The following GNAQ variants were observed in gnomAD, a reference collection of about 807,000 sequenced individuals.
The protein encoded by GNAQ is G protein subunit alpha q.
GNAQ carries 8 observed loss-of-function variants against 43.9 expected under a neutral mutation model. The observed-to-expected ratio is 0.18, with a 90% CI of 0.11 to 0.33. GNAQ has a LOEUF of 0.33. Ranked by LOEUF, GNAQ falls within the 10% of genes least tolerant of loss-of-function variation. GNAQ has a pLI of 1.00. For synonymous variants in GNAQ, 155 were observed against 170.7 expected (o/e 0.91, Z 0.71); for missense variants, 158 against 450.8 (o/e 0.35, Z 5.88).
chr9:77,936,650 T>A (rs1192396078), intron 1 of GNAQ, among the ~76,000 whole-genome samples: 1 of 152,140 alleles, frequency 6.6e-6, no homozygotes, highest in East Asian at 1.9e-4. Context: ...AAATATTGAA[T>A]CACTAGGCAT....
Position 77,800,622 on chromosome 9 carries a change from T to G in GNAQ, c.477-2974A>C, listed in dbSNP as rs569676457. On this transcript the variant is annotated intron_variant, in intron 3 of 6. Transcript: ENST00000286548. The stretch of plus-strand genomic sequence containing the variant: ...ATACACCTAATGCTAGATGACGAGT[T>G]AGTGGGTGCAGCGCACCAGCATGGC... Among the ~76,000 whole-genome samples the G allele has an allele frequency of 1.7e-3, 254 of 152,256 alleles. 1 individual carries two copies. The highest frequency in any genetic ancestry group is 0.012 in the East Asian group (60 of 5,176).
chr9:77,931,825 T>G (rs1009959796), intron 1 of GNAQ, among the ~76,000 whole-genome samples: 2 of 151,984 alleles, frequency 1.3e-5, no homozygotes, highest in Non-Finnish European at 2.9e-5. Context: ...CTGCTCTGAG[T>G]TTTCAATTAG....
intron 5 of GNAQ, among the ~76,000 whole-genome samples, chr9:77,742,018 T>C (rs1160293474): frequency 6.6e-6 from 1 of 152,230 alleles, no homozygotes; most frequent in Non-Finnish European, 1.5e-5. Context: ...CAGTGATTTA[T>C]TTTGTCCATG....
intron 2 of GNAQ, among the ~76,000 whole-genome samples, chr9:77,825,454 T>C (rs1381176496): frequency 6.6e-6 from 1 of 152,156 alleles, no homozygotes; most frequent in Non-Finnish European, 1.5e-5. Context: ...ATAGCATGAC[T>C]AGCTGATTCA....
chr9:77,991,817 T>C (rs1823511663), intron 1 of GNAQ, among the ~76,000 whole-genome samples: 1 of 152,208 alleles, frequency 6.6e-6, no homozygotes, highest in African/African-American at 2.4e-5. Context: ...GAACATATGA[T>C]ATTTAGTTTT....
At chr9:77,761,226 A>G (rs1234211035) in intron 5 of GNAQ, among the ~76,000 whole-genome samples, 2 of 134,708 alleles carry the variant, frequency 1.5e-5, no homozygotes, top group Admixed American at 7.2e-5. Context: ...CCTACTGGGA[A>G]GTGAGGAGCC....
intron 2 of GNAQ, among the ~76,000 whole-genome samples, chr9:77,859,631 TAAG>T (rs1374259747): frequency 6.6e-6 from 1 of 152,188 alleles, no homozygotes; most frequent in Non-Finnish European, 1.5e-5. Flanking sequence ...CCCGGAGTTG[TAAG>T]AAGATCTGAA....
At chr9:77,880,392 A>G (rs928245816) in intron 2 of GNAQ, among the ~76,000 whole-genome samples, 6 of 152,068 alleles carry the variant, frequency 3.9e-5, no homozygotes, top group Non-Finnish European at 8.8e-5. Flanking sequence ...TCTTTTTTAG[A>G]AACAGAGTCT....
intron 1 of GNAQ, among the ~76,000 whole-genome samples, chr9:77,939,361 C>CA (rs1564157770): frequency 6.6e-6 from 1 of 152,146 alleles, no homozygotes; most frequent in Non-Finnish European, 1.5e-5. Context: ...TCTGATCCTG[C>CA]AGCATGAAGA....
chr9:77,916,616 C>T (rs906204274), intron 2 of GNAQ, among the ~76,000 whole-genome samples: 3 of 152,168 alleles, frequency 2.0e-5, no homozygotes, highest in Non-Finnish European at 2.9e-5. Flanking sequence ...AATACATCCT[C>T]TCATAACCCC....
intron 2 of GNAQ, among the ~76,000 whole-genome samples, chr9:77,844,806 G>A (rs912866710): frequency 1.3e-5 from 2 of 151,962 alleles, no homozygotes. Flanking sequence ...CCGAGTAGCT[G>A]GGATTACAGG....
At chr9:78,001,230 T>A (rs1823640088) in intron 1 of GNAQ, among the ~76,000 whole-genome samples, 1 of 152,024 alleles carries the variant, frequency 6.6e-6, no homozygotes, top group Non-Finnish European at 1.5e-5. Context: ...AAACCCCATC[T>A]CTACTAAAAA....
At chr9:77,860,461 G>C (rs1217703666) in intron 2 of GNAQ, among the ~76,000 whole-genome samples, 1 of 152,220 alleles carries the variant, frequency 6.6e-6, no homozygotes, top group Admixed American at 6.5e-5. Flanking sequence ...CAGAGATTGA[G>C]TAGGTGAGGC....
chr9:77,836,449 C>T (rs532192948), intron 2 of GNAQ, among the ~76,000 whole-genome samples: 5 of 152,250 alleles, frequency 3.3e-5, no homozygotes, highest in Non-Finnish European at 5.9e-5. Flanking sequence ...TAATCTTATT[C>T]GGTTTGAAAT....
intron 1 of GNAQ, among the ~76,000 whole-genome samples, chr9:78,005,664 C>G (rs760193634): frequency 6.6e-6 from 1 of 152,184 alleles, no homozygotes; most frequent in Non-Finnish European, 1.5e-5. Flanking sequence ...ATCCTCCCAA[C>G]AAACTTGGTG....
chr9:77,764,741 C>T (rs1826107875), intron 5 of GNAQ, among the ~76,000 whole-genome samples: 1 of 152,072 alleles, frequency 6.6e-6, no homozygotes, highest in Non-Finnish European at 1.5e-5. Context: ...AGGTGTGAGC[C>T]ACCGCGCCCA....
At chr9:77,872,232 C>G (rs1375003889) in intron 2 of GNAQ, among the ~76,000 whole-genome samples, 1 of 152,192 alleles carries the variant, frequency 6.6e-6, no homozygotes, top group Non-Finnish European at 1.5e-5. Context: ...GGTTGTAAAG[C>G]AGAACTTAAA....
intron 1 of GNAQ, among the ~76,000 whole-genome samples, chr9:77,986,082 T>A (rs1823432173): frequency 6.6e-6 from 1 of 152,172 alleles, no homozygotes; most frequent in South Asian, 2.1e-4. Context: ...GTCCTAGCAT[T>A]GCCATAGTTT....
chr9:77,756,711 T>C (rs1251921107), intron 5 of GNAQ, among the ~76,000 whole-genome samples: 3 of 152,232 alleles, frequency 2.0e-5, no homozygotes, highest in African/African-American at 7.2e-5. Context: ...CTCTTTGTTA[T>C]AGCAGCTGAG....
Sources: allele counts gnomAD v4.1 joint callset (sites outside exome capture counted in the v4.1 genomes callset), GRCh38; gene constraint gnomAD v4.1.1; transcripts MANE v1.5; gene names NCBI Gene and HGNC (gene_info 2026-07-23, HGNC 2026-07-21).